PRKG1: variants seen among roughly 807,000 people sequenced by gnomAD.
The protein encoded by PRKG1 is protein kinase cGMP-dependent 1.
Under a neutral mutation model 88.1 loss-of-function variants are expected in PRKG1, and 35 were observed. The ratio of observed to expected loss-of-function variants is 0.40; its 90% confidence interval spans 0.30 to 0.53. PRKG1 has a LOEUF of 0.53. Ranked by LOEUF, PRKG1 falls within the 20% of genes least tolerant of loss-of-function variation. The pLI is 0.59. For missense variants in PRKG1, 540 were observed against 839.8 expected, an observed-to-expected ratio of 0.64 and a Z score of 4.41; for synonymous variants, 303 against 292.5, an observed-to-expected ratio of 1.04 and a Z score of -0.37.
chr10:52,242,435 A>G (rs1840889872), intron 9 of PRKG1, among the ~76,000 whole-genome samples: 2 of 152,234 alleles, frequency 1.3e-5, no homozygotes, highest in Non-Finnish European at 1.5e-5. Context: ...TTGAATACAT[A>G]TATGAGATTA....
chr10:51,133,028 C>G (rs185401409), intron 1 of PRKG1, among the ~76,000 whole-genome samples: 17 of 152,088 alleles, frequency 1.1e-4, no homozygotes, highest in Non-Finnish European at 2.1e-4. Context: ...TTTAACTTGT[C>G]CAAATGAGCC....
chr10:51,646,659 C>A (rs10762272), intron 3 of PRKG1, among the ~76,000 whole-genome samples: 72,657 of 151,824 alleles, frequency 0.48, 18,931 homozygotes, highest in East Asian at 0.72. Context: ...GGGAGAGAGG[C>A]AAACACTTGA....
chr10:51,126,113 A>C (rs1252099698), intron 1 of PRKG1, among the ~76,000 whole-genome samples: 2 of 121,434 alleles, frequency 1.6e-5, no homozygotes, highest in Non-Finnish European at 3.1e-5. Context: ...ATATATAATT[A>C]TATAATTATA....
intron 4 of PRKG1, among the ~76,000 whole-genome samples, chr10:51,830,000 C>T (rs1490073516): frequency 6.6e-6 from 1 of 152,062 alleles, no homozygotes; most frequent in Non-Finnish European, 1.5e-5. Flanking sequence ...TTCTCCAGGT[C>T]TATTTCTATA....
chr10:51,373,175 TA>T (rs1842738637), intron 2 of PRKG1, among the ~76,000 whole-genome samples: 1 of 152,138 alleles, frequency 6.6e-6, no homozygotes, highest in Non-Finnish European at 1.5e-5. Flanking sequence ...TACATTTGAA[TA>T]AAAAAACTTA....
chr10:51,859,105 T>C (rs1186555050), intron 4 of PRKG1, among the ~76,000 whole-genome samples: 1 of 152,186 alleles, frequency 6.6e-6, no homozygotes, highest in Non-Finnish European at 1.5e-5. Flanking sequence ...GATGTTGAAT[T>C]GGGGATTTGG....
chr10:51,228,940 TC>T (rs1838765528), intron 2 of PRKG1, among the ~76,000 whole-genome samples: 1 of 152,164 alleles, frequency 6.6e-6, no homozygotes, highest in Non-Finnish European at 1.5e-5. Flanking sequence ...ACTGTTTCTT[TC>T]CATCATGACC....
intron 3 of PRKG1, among the ~76,000 whole-genome samples, chr10:51,566,083 TCACTATAATAC>T (rs1837595457): frequency 6.6e-6 from 1 of 152,112 alleles, no homozygotes; most frequent in Non-Finnish European, 1.5e-5. Context: ...ATGATTGGTA[TCACTATAATAC>T]CAGAAACAAG....
At chr10:51,084,512 G>A (rs1391772244) in intron 1 of PRKG1, among the ~76,000 whole-genome samples, 2 of 152,150 alleles carry the variant, frequency 1.3e-5, no homozygotes, top group African/African-American at 2.4e-5. Flanking sequence ...GATCATAAAT[G>A]TAAATTAAAC....
rs566845699 is a variant in PRKG1, at chr10:51,190,396, G to A, written c.478+37066G>A. On this transcript the variant is annotated intron_variant, in intron 2 of 17. Coordinates refer to ENST00000373980, the MANE Select transcript of PRKG1 (RefSeq NM_006258.4). ...AAAATCTAGACAATCATAAATGGCT[G>A]CTGAGAAACTGATGCAAGAAAGAGA... is the stretch of plus-strand genomic sequence containing the variant. Among the ~76,000 whole-genome samples the A allele has an allele frequency of 3.9e-5, 6 of 152,020 alleles. No individual in the cohort carries two copies. In the East Asian group the frequency reaches 1.2e-3, roughly 29 times the overall value.
At chr10:51,525,284 A>G (rs1338946005) in intron 3 of PRKG1, among the ~76,000 whole-genome samples, 2 of 152,110 alleles carry the variant, frequency 1.3e-5, no homozygotes, top group African/African-American at 4.8e-5. Flanking sequence ...GGAAGGAAGG[A>G]AGGAAGGAAA....
chr10:51,895,900 C>T (rs1014395373), intron 4 of PRKG1, among the ~76,000 whole-genome samples: 6 of 152,050 alleles, frequency 3.9e-5, no homozygotes, highest in African/African-American at 1.4e-4. Flanking sequence ...AGCACCAGAG[C>T]TCCCAGCCTG....
At chr10:51,820,588 TCA>T in intron 4 of PRKG1, among the ~76,000 whole-genome samples, 1 of 152,150 alleles carries the variant, frequency 6.6e-6, no homozygotes, top group African/African-American at 2.4e-5. Context: ...CCCCACACCT[TCA>T]CACATACCCT....
chr10:51,863,912 C>G (rs954497905), intron 4 of PRKG1, among the ~76,000 whole-genome samples: 1 of 152,170 alleles, frequency 6.6e-6, no homozygotes, highest in East Asian at 1.9e-4. Context: ...TCCTGTATAT[C>G]TAATTCACAT....
At chr10:52,023,863 G>C (rs1183088247) in intron 5 of PRKG1, among the ~76,000 whole-genome samples, 3 of 152,126 alleles carry the variant, frequency 2.0e-5, no homozygotes, top group Non-Finnish European at 4.4e-5. Flanking sequence ...TCTGGAGGTT[G>C]CCTATTTACT....
chr10:51,496,120 C>T (rs1467101273), intron 3 of PRKG1, among the ~76,000 whole-genome samples: 2 of 152,034 alleles, frequency 1.3e-5, no homozygotes, highest in Non-Finnish European at 2.9e-5. Context: ...ATATGAAATA[C>T]ACTGGTACAA....
intron 5 of PRKG1, among the ~76,000 whole-genome samples, chr10:51,952,707 C>T (rs926900760): frequency 1.3e-5 from 2 of 152,134 alleles, no homozygotes; most frequent in South Asian, 4.1e-4. Flanking sequence ...TACTTAGAAT[C>T]AGAGGACATG....
intron 4 of PRKG1, among the ~76,000 whole-genome samples, chr10:51,873,568 C>T (rs1282281724): frequency 6.7e-6 from 1 of 149,138 alleles, no homozygotes; most frequent in Non-Finnish European, 1.5e-5. Flanking sequence ...TGCTCTGTCG[C>T]CCAGGCTAGA....
intron 3 of PRKG1, among the ~76,000 whole-genome samples, chr10:51,722,307 AT>A (rs1344384917): frequency 1.3e-5 from 2 of 151,872 alleles, no homozygotes; most frequent in Non-Finnish European, 2.9e-5. Flanking sequence ...CTTTCATGTG[AT>A]TTGTATTGTT....
Sources: allele counts gnomAD v4.1 joint callset (sites outside exome capture counted in the v4.1 genomes callset), GRCh38; gene constraint gnomAD v4.1.1; transcripts MANE v1.5; gene names NCBI Gene and HGNC (gene_info 2026-07-23, HGNC 2026-07-21).